The following PCDH15 variants were observed in gnomAD, a reference collection of about 807,000 sequenced individuals.
The protein encoded by PCDH15 is protocadherin-15.
PCDH15 carries 129 observed loss-of-function variants against 178.5 expected under a neutral mutation model. That is an observed-to-expected ratio of 0.72 (90% CI 0.63 to 0.84). The LOEUF is 0.84. Among genes scored for constraint, PCDH15 ranks in the 40% least tolerant of loss-of-function variants. The pLI, the probability that PCDH15 is intolerant of heterozygous loss-of-function variation, is 0.00. For missense variants in PCDH15, 2,230 were observed against 2,099.9 expected (o/e 1.06, Z -1.21); for synonymous variants, 800 against 732.0 (o/e 1.09, Z -1.50).
intron 8 of PCDH15, among the ~76,000 whole-genome samples, chr10:54,313,159 C>CT (rs1233151497): frequency 4.6e-5 from 7 of 151,924 alleles, no homozygotes; most frequent in African/African-American, 1.7e-4. Flanking sequence ...TAAAGACCTC[C>CT]TTTTTTTACT....
chr10:54,477,562 T>A (rs1431884470), intron 3 of PCDH15, among the ~76,000 whole-genome samples: 1 of 152,206 alleles, frequency 6.6e-6, no homozygotes, highest in Non-Finnish European at 1.5e-5. Flanking sequence ...TTATAAAGCA[T>A]GTGTGTTGAA....
intron 2 of PCDH15, among the ~76,000 whole-genome samples, chr10:55,536,527 G>T (rs568057731): frequency 6.6e-6 from 1 of 152,002 alleles, no homozygotes; most frequent in South Asian, 2.1e-4. Flanking sequence ...TACTTTCCTC[G>T]GCATTTTTCT....
chr10:55,316,320 T>C (rs1843721092), intron 1 of PCDH15, among the ~76,000 whole-genome samples: 2 of 152,164 alleles, frequency 1.3e-5, no homozygotes, highest in East Asian at 1.9e-4. Flanking sequence ...ACAACCTAGA[T>C]TAATAAATTA....
At chr10:54,980,719 T>TTCAA (rs538685533) in intron 2 of PCDH15, among the ~76,000 whole-genome samples, 81 of 152,264 alleles carry the variant, frequency 5.3e-4, no homozygotes, top group Non-Finnish European at 8.1e-4. Context: ...TGTTACACTT[T>TTCAA]TCAATCAAAT....
intron 2 of PCDH15, among the ~76,000 whole-genome samples, chr10:55,532,339 C>G (rs929544070): frequency 3.3e-5 from 5 of 151,980 alleles, no homozygotes; most frequent in Non-Finnish European, 7.4e-5. Context: ...CTTGGTGAAA[C>G]TTGTTTCACA....
intron 5 of PCDH15, among the ~76,000 whole-genome samples, chr10:54,367,815 A>G (rs1256130759): frequency 2.0e-5 from 3 of 151,544 alleles, no homozygotes; most frequent in Non-Finnish European, 4.4e-5. Context: ...ATATATGTGT[A>G]TATATGTGTG....
intron 25 of PCDH15, among the ~76,000 whole-genome samples, chr10:53,934,414 G>A (rs1267637515): frequency 2.0e-5 from 3 of 152,064 alleles, no homozygotes; most frequent in African/African-American, 7.2e-5. Context: ...ACTCAAGGAA[G>A]TTGGCCCCCA....
chr10:54,332,371 T>TATA (rs1939979268), intron 6 of PCDH15, among the ~76,000 whole-genome samples: 1 of 109,272 alleles, frequency 9.2e-6, no homozygotes, highest in African/African-American at 3.6e-5. Context: ...CTATATTATA[T>TATA]ATATAATATA....
chr10:54,825,116 A>G (rs1187808696), intron 3 of PCDH15, among the ~76,000 whole-genome samples: 1 of 151,896 alleles, frequency 6.6e-6, no homozygotes, highest in Non-Finnish European at 1.5e-5. Context: ...GAGTGAGAAC[A>G]TGCGGTGTTT....
At chr10:54,272,963 A>G (rs1247456892) in intron 8 of PCDH15, among the ~76,000 whole-genome samples, 1 of 152,192 alleles carries the variant, frequency 6.6e-6, no homozygotes, top group African/African-American at 2.4e-5. Context: ...TGAATTGATT[A>G]TCAGAGTATA....
chr10:54,758,610 T>A (rs1947470457), intron 1 of PCDH15, among the ~76,000 whole-genome samples: 1 of 152,196 alleles, frequency 6.6e-6, no homozygotes, highest in Non-Finnish European at 1.5e-5. Flanking sequence ...ACTTCATTTG[T>A]GGCTACTTTT....
At chr10:54,196,384 C>T (rs1312145027) in intron 10 of PCDH15, among the ~76,000 whole-genome samples, 5 of 152,120 alleles carry the variant, frequency 3.3e-5, no homozygotes, top group South Asian at 2.1e-4. Flanking sequence ...CCTCGTGATC[C>T]GCCCGCCTCA....
At chr10:55,245,266 T>C (rs1197887366) in intron 1 of PCDH15, among the ~76,000 whole-genome samples, 1 of 152,114 alleles carries the variant, frequency 6.6e-6, no homozygotes, top group Non-Finnish European at 1.5e-5. Context: ...CTGTAATGTT[T>C]TGAAACAAGA....
intron 3 of PCDH15, among the ~76,000 whole-genome samples, chr10:54,422,090 C>T (rs555637739): frequency 4.0e-5 from 6 of 151,284 alleles, no homozygotes; most frequent in Non-Finnish European, 7.4e-5. Context: ...TTCTGTGGAG[C>T]TCCCAGAATT....
intron 3 of PCDH15, among the ~76,000 whole-genome samples, chr10:54,829,265 G>A (rs1360500798): frequency 1.3e-5 from 2 of 151,946 alleles, no homozygotes; most frequent in African/African-American, 2.4e-5. Context: ...GAGACTAGAT[G>A]AGAGGTCAGT....
intron 1 of PCDH15, among the ~76,000 whole-genome samples, chr10:55,208,325 C>T (rs1278144622): frequency 1.3e-5 from 2 of 151,960 alleles, no homozygotes; most frequent in East Asian, 3.9e-4. Flanking sequence ...CCTTTAGCTG[C>T]CACTGTGTTA....
At chr10:54,765,140 A>G (rs1436700672) in intron 1 of PCDH15, among the ~76,000 whole-genome samples, 2 of 152,144 alleles carry the variant, frequency 1.3e-5, no homozygotes, top group South Asian at 2.1e-4. Context: ...AATCTATACT[A>G]ATTTCAACTC....
chr10:54,123,229 A>G (rs1024220474), intron 15 of PCDH15, among the ~76,000 whole-genome samples: 24 of 152,184 alleles, frequency 1.6e-4, no homozygotes, highest in African/African-American at 5.5e-4. Context: ...CAGAGTGAAC[A>G]GATAACCTAC....
At chr10:54,150,190 A>G (rs1265145845) in intron 14 of PCDH15, among the ~76,000 whole-genome samples, 1 of 152,126 alleles carries the variant, frequency 6.6e-6, no homozygotes, top group Admixed American at 6.6e-5. Flanking sequence ...GATGACAGCA[A>G]GGAGGGGTAA....
Sources: allele counts gnomAD v4.1 joint callset (sites outside exome capture counted in the v4.1 genomes callset), GRCh38; gene constraint gnomAD v4.1.1; transcripts MANE v1.5; gene names NCBI Gene and HGNC (gene_info 2026-07-23, HGNC 2026-07-21).